The following FKBP1C variants were observed in gnomAD, a reference collection of about 807,000 sequenced individuals.
FKBP1C encodes the protein FKBP prolyl isomerase family member 1C.
Under a neutral mutation model 7.1 loss-of-function variants are expected in FKBP1C, and 7 were observed. The observed-to-expected ratio is 0.99, with a 90% CI of 0.56 to 1.86. The LOEUF (loss-of-function observed/expected upper bound fraction) is 1.86, where lower values mean the gene tolerates loss of function less well. Among genes scored for constraint, FKBP1C ranks in the 40% most tolerant of loss-of-function variants. The pLI is 0.00. For synonymous variants in FKBP1C, 56 were observed against 51.2 expected, an observed-to-expected ratio of 1.09 and a Z score of -0.40; for missense variants, 159 against 139.9, an observed-to-expected ratio of 1.14 and a Z score of -0.69.
chr6:63,211,575 A>G, exon 1 of FKBP1C: 1 of 1,474,202 alleles, frequency 6.8e-7, no homozygotes, highest in Non-Finnish European at 9.5e-7. Context: ...GCACGTGGAA[A>G]CCATCTCCCC....
chr6:63,211,644 A>G, exon 1 of FKBP1C: 1 of 1,613,910 alleles, frequency 6.2e-7, no homozygotes, highest in Non-Finnish European at 8.5e-7. Context: ...CTACACCGGG[A>G]TGCTTGAAGA....
chr6:63,211,843 C>A (rs1363996498), exon 1 of FKBP1C: 1 of 1,612,744 alleles, frequency 6.2e-7, no homozygotes, highest in South Asian at 1.1e-5. Flanking sequence ...CCACCACATG[C>A]CACTCTCGTC....
exon 1 of FKBP1C, chr6:63,211,615 G>A: frequency 1.2e-6 from 2 of 1,603,300 alleles, no homozygotes; most frequent in Non-Finnish European, 1.7e-6. Flanking sequence ...CCGAAGCGCA[G>A]CCAGACCTGC....
chr6:63,212,426 A>G (rs1210326654), exon 1 of FKBP1C: 4 of 172,250 alleles, frequency 2.3e-5, no homozygotes, highest in African/African-American at 7.2e-5. Flanking sequence ...TAAAAGCCCT[A>G]CCTAAAACTG....
exon 1 of FKBP1C, chr6:63,212,252 G>A (rs1766115704): frequency 9.0e-6 from 3 of 333,028 alleles, no homozygotes. Flanking sequence ...ATAGGAATTG[G>A]TGTTGAGGGG....
rs1015052533 is a variant in FKBP1C at position 63,211,951 on chromosome 6, C to A, written c.*68C>A. ...CATGGAGGGATCTGGTGCCTCCAGA[C>A]GTGTGCACATAAATCCATATGGAGC... On this transcript the variant is annotated 3_prime_UTR_variant, in exon 1 of 1. Coordinates refer to ENST00000370659, the Ensembl canonical transcript of FKBP1C. 5.9e-6 allele frequency: 9 copies of A among 1,530,886 alleles called. No homozygotes were observed. In the Admixed American group the frequency reaches 1.5e-4, roughly 26 times the overall value. 94.8% of individuals were successfully genotyped at this position (1,530,886 alleles called of 1,614,324 possible). A position where few individuals can be genotyped will look rare whatever the true frequency, so the allele number is the denominator to read the frequency against.
chr6:63,211,541 G>T, exon 1 of FKBP1C: 4 of 1,118,960 alleles, frequency 3.6e-6, no homozygotes, highest in Non-Finnish European at 5.3e-6. Flanking sequence ...CCGCCCGCTC[G>T]GCGTCGGCCG....
At chr6:63,212,199 C>G in exon 1 of FKBP1C, 1 of 522,648 alleles carries the variant, frequency 1.9e-6, no homozygotes, top group Non-Finnish European at 3.5e-6. Context: ...CAATTAAGTA[C>G]ATGGTCAAGT....
At chr6:63,211,597 G>A (rs747113948) in exon 1 of FKBP1C, 9 of 1,554,058 alleles carry the variant, frequency 5.8e-6, no homozygotes, top group East Asian at 2.2e-5. Flanking sequence ...GGAGACTGGC[G>A]CACCTTCCCG....
chr6:63,211,815 G>A (rs1766109262), exon 1 of FKBP1C: 1 of 1,612,794 alleles, frequency 6.2e-7, no homozygotes, highest in Non-Finnish European at 8.5e-7. Context: ...TGGTGCCACT[G>A]GGCACCCAGG....
chr6:63,211,514 G>A (rs761305132), exon 1 of FKBP1C: 10 of 785,094 alleles, frequency 1.3e-5, no homozygotes, highest in African/African-American at 8.6e-5. Flanking sequence ...GTCGGTCCAC[G>A]CCGCCCGTCG....
exon 1 of FKBP1C, chr6:63,211,560 G>A: frequency 5.3e-6 from 7 of 1,332,398 alleles, no homozygotes; most frequent in Middle Eastern, 3.8e-4. Flanking sequence ...CGCCGCCATG[G>A]GAGTGCACGT....
chr6:63,212,285 A>AT (rs1473732955), exon 1 of FKBP1C: 1 of 253,646 alleles, frequency 3.9e-6, no homozygotes, highest in Admixed American at 5.0e-5. Context: ...TTTTATTTTA[A>AT]TTTTTTGGAT....
At chr6:63,211,753 A>G in exon 1 of FKBP1C, 1 of 1,614,056 alleles carries the variant, frequency 6.2e-7, no homozygotes, top group South Asian at 1.1e-5. Context: ...GGGGTTGTCC[A>G]GATGAGTGTG....
At chr6:63,211,639 C>T in exon 1 of FKBP1C, 2 of 1,613,642 alleles carry the variant, frequency 1.2e-6, no homozygotes, top group Non-Finnish European at 1.7e-6. Flanking sequence ...ATGCACTACA[C>T]CGGGATGCTT....
At chr6:63,211,949 G>A in exon 1 of FKBP1C, 1 of 1,535,882 alleles carries the variant, frequency 6.5e-7, no homozygotes, top group Non-Finnish European at 9.0e-7. Context: ...GGTGCCTCCA[G>A]ACGTGTGCAC....
At chr6:63,212,046 T>G (rs1334878703) in exon 1 of FKBP1C, 1 of 809,788 alleles carries the variant, frequency 1.2e-6, no homozygotes, top group Non-Finnish European at 2.0e-6. Context: ...CACTCAGCTT[T>G]GCTTCCGACA....
chr6:63,212,215 C>T (rs2127364159), exon 1 of FKBP1C: 2 of 467,984 alleles, frequency 4.3e-6, no homozygotes, highest in Non-Finnish European at 4.0e-6. Flanking sequence ...CAAGTGTTAA[C>T]AGCACAAGTG....
exon 1 of FKBP1C, chr6:63,211,666 T>G (rs749687459): frequency 1.1e-5 from 17 of 1,613,968 alleles, no homozygotes; most frequent in Non-Finnish European, 1.4e-5. Context: ...GGAAAGAAAT[T>G]TGATTCCTCC....
Sources: gnomAD v4.1 joint callset for allele counts on GRCh38, gnomAD v4.1.1 for gene constraint, MANE v1.5 for transcripts, NCBI Gene and HGNC (gene_info 2026-07-23, HGNC 2026-07-21) for gene names.